PRKD1: variants seen among roughly 807,000 people sequenced by gnomAD.
PRKD1 encodes protein kinase D1.
A neutral mutation model predicts 95.9 loss-of-function variants in PRKD1; 63 were observed. The observed-to-expected ratio is 0.66, with a 90% CI of 0.54 to 0.81. PRKD1 has a LOEUF of 0.81. Among genes scored for constraint, PRKD1 ranks in the 30% least tolerant of loss-of-function variants. The pLI is 0.00. For missense variants in PRKD1, 1,048 were observed against 1,165.3 expected, an observed-to-expected ratio of 0.90 and a Z score of 1.47; for synonymous variants, 425 against 423.1, an observed-to-expected ratio of 1.00 and a Z score of -0.05.
At chr14:29,792,404 C>G (rs1427068391) in intron 1 of PRKD1, among the ~76,000 whole-genome samples, 1 of 152,092 alleles carries the variant, frequency 6.6e-6, no homozygotes, top group East Asian at 1.9e-4. Context: ...GGATGAGATA[C>G]TGCTTTGGTG....
At chr14:29,745,954 AC>A (rs1365424216) in intron 1 of PRKD1, among the ~76,000 whole-genome samples, 2 of 152,170 alleles carry the variant, frequency 1.3e-5, no homozygotes, top group African/African-American at 4.8e-5. Flanking sequence ...CATTTCAATG[AC>A]CTGTATTTAC....
rs570461164 is a variant in PRKD1 at position 29,621,253 on chromosome 14, T to C, written c.1905+2899A>G. Among the ~76,000 whole-genome samples the C allele has an allele frequency of 8.0e-5, 12 of 150,896 alleles. No individual in the cohort carries two copies. The South Asian group carries it at 2.3e-3, about 29-fold the overall frequency. ...ATATACCTAATGCTAAATGATGAGT[T>C]AATGGGTGCAGCACACCAGCATGGC... On this transcript the variant is annotated intron_variant, in intron 13 of 17. Coordinates refer to ENST00000331968, the MANE Select transcript of PRKD1 (RefSeq NM_002742.3).
chr14:29,622,968 T>G (rs749554718), intron 13 of PRKD1, among the ~76,000 whole-genome samples: 5 of 152,192 alleles, frequency 3.3e-5, no homozygotes, highest in African/African-American at 4.8e-5. Context: ...AAGACCACAG[T>G]GCGTGGAGAC....
In PRKD1 at chr14:29,611,913, A is replaced by T. The variant is rs1878497638; in HGVS notation, c.1906-12096T>A. 2.0e-5 allele frequency among the ~76,000 whole-genome samples: 3 copies of T among 152,206 alleles called. No homozygotes were observed. In the South Asian group the frequency reaches 6.2e-4, roughly 31 times the overall value. Reference sequence around the variant, plus strand: ...TTCCTGTTAATCTACCTGGCTGGAAACAGTAACACAAAAATCCAATCTAGG... The same window carrying T: ...TTCCTGTTAATCTACCTGGCTGGAATCAGTAACACAAAAATCCAATCTAGG... On this transcript the variant is annotated intron_variant, in intron 13 of 17. Transcript: ENST00000331968.
At chr14:29,874,776 T>C (rs549788155) in intron 1 of PRKD1, among the ~76,000 whole-genome samples, 2 of 152,222 alleles carry the variant, frequency 1.3e-5, no homozygotes, top group Admixed American at 1.3e-4. Flanking sequence ...TCATAAGAGT[T>C]TTTTAAAAAA....
chr14:29,684,358 T>C (rs1883727227), intron 2 of PRKD1, among the ~76,000 whole-genome samples: 1 of 152,116 alleles, frequency 6.6e-6, no homozygotes, highest in African/African-American at 2.4e-5. Flanking sequence ...GCAGAATGTT[T>C]ACAGCATTTG....
At position 29,597,549 on chromosome 14, in the gene PRKD1, T is replaced by C; in HGVS notation, c.2376A>G (p.Gln792=). ...PFNEDEDIHD[Q]IQNAAFMYPP... is the part of the protein sequence containing the mutation. ...GATACATGAAAGCTGCATTCTGAAT[T>C]TGGTCGTGTATGTCTTCATCTTCAT... Residue 792 remains glutamine, a synonymous_variant, in exon 16 of 18, where the codon CAA becomes CAG. Transcript: ENST00000331968. 1 of 1,613,752 alleles carries C rather than the reference T, an allele frequency of 6.2e-7. No homozygotes were observed. The highest frequency in any genetic ancestry group is 1.1e-5 in the South Asian group (1 of 91,066).
intron 2 of PRKD1, among the ~76,000 whole-genome samples, chr14:29,717,815 CG>C (rs1314895404): frequency 2.1e-4 from 32 of 152,184 alleles, no homozygotes; most frequent in Admixed American, 6.5e-4. Flanking sequence ...TTTTCACTTC[CG>C]GGTTTGTCTT....
intron 1 of PRKD1, among the ~76,000 whole-genome samples, chr14:29,888,901 T>C (rs1893837430): frequency 1.3e-5 from 2 of 152,200 alleles, no homozygotes; most frequent in African/African-American, 2.4e-5. Flanking sequence ...AAGGTGAAAA[T>C]AGCTTACTGA....
chr14:29,823,813 A>AT (rs1299929020), intron 1 of PRKD1, among the ~76,000 whole-genome samples: 2 of 152,170 alleles, frequency 1.3e-5, no homozygotes, highest in Non-Finnish European at 2.9e-5. Flanking sequence ...GTTAATAAAC[A>AT]TTTTTCATTT....
intron 13 of PRKD1, 131 bp from the exon 14 acceptor site, chr14:29,599,948 A>T: frequency 3.1e-6 from 2 of 652,836 alleles, no homozygotes; most frequent in African/African-American, 1.8e-5. Flanking sequence ...TAACACCTCT[A>T]CATTCCACAT....
intron 1 of PRKD1, among the ~76,000 whole-genome samples, chr14:29,761,223 T>A (rs534359002): frequency 6.6e-6 from 1 of 152,306 alleles, no homozygotes; most frequent in Non-Finnish European, 1.5e-5. Context: ...TAAAGATAGT[T>A]TAAATTTTGA....
intron 2 of PRKD1, among the ~76,000 whole-genome samples, chr14:29,689,762 C>T (rs986216644): frequency 6.6e-6 from 1 of 152,094 alleles, no homozygotes; most frequent in African/African-American, 2.4e-5. Context: ...GAAAATGTGG[C>T]ACATACATAC....
At chr14:29,851,959 C>T (rs559978122) in intron 1 of PRKD1, among the ~76,000 whole-genome samples, 1 of 152,104 alleles carries the variant, frequency 6.6e-6, no homozygotes, top group African/African-American at 2.4e-5. Flanking sequence ...AAGCCATTAT[C>T]CTACACAAAT....
At chr14:29,624,327 T>G in intron 12 of PRKD1, 69 bp from the exon 13 acceptor site, 1 of 1,098,258 alleles carries the variant, frequency 9.1e-7, no homozygotes, top group Non-Finnish European at 1.3e-6. Context: ...CACTAAAATT[T>G]GCAAGGACAT....
chr14:29,767,718 T>C (rs1410219145), intron 1 of PRKD1, among the ~76,000 whole-genome samples: 2 of 152,246 alleles, frequency 1.3e-5, no homozygotes, highest in African/African-American at 4.8e-5. Flanking sequence ...TTAGCAGCAA[T>C]GTCACATTGT....
intron 2 of PRKD1, among the ~76,000 whole-genome samples, chr14:29,676,192 T>TGTTTTTTTTTTG (rs776520765): frequency 1.2e-4 from 15 of 128,560 alleles, no homozygotes; most frequent in Admixed American, 3.2e-4. Flanking sequence ...TGTTTTTTTT[T>TGTTTTTTTTTTG]TTTTTTTTTT....
chr14:29,885,104 C>T (rs1893652236), intron 1 of PRKD1, among the ~76,000 whole-genome samples: 1 of 136,398 alleles, frequency 7.3e-6, no homozygotes, highest in African/African-American at 2.9e-5. Flanking sequence ...CCCTGGGCAA[C>T]AGAGCGAGAC....
At chr14:29,849,195 C>T (rs1418476804) in intron 1 of PRKD1, among the ~76,000 whole-genome samples, 1 of 152,104 alleles carries the variant, frequency 6.6e-6, no homozygotes, top group African/African-American at 2.4e-5. Context: ...ATGAGATCTG[C>T]TTATTTAAAA....
Sources: gnomAD v4.1 joint callset for allele counts (sites outside exome capture counted in the v4.1 genomes callset) on GRCh38, gnomAD v4.1.1 for gene constraint, MANE v1.5 for transcripts, NCBI Gene and HGNC (gene_info 2026-07-23, HGNC 2026-07-21) for gene names.